The following VPS13B variants were observed in gnomAD, a reference collection of about 807,000 sequenced individuals.
VPS13B encodes intermembrane lipid transfer protein VPS13B.
Under a neutral mutation model 426.4 loss-of-function variants are expected in VPS13B, and 285 were observed. The ratio of observed to expected loss-of-function variants is 0.67; its 90% CI spans 0.61 to 0.74. The LOEUF (loss-of-function observed/expected upper bound fraction) is 0.74, where lower values mean the gene tolerates loss of function less well. Among genes scored for constraint, VPS13B ranks in the 30% least tolerant of loss-of-function variants. The pLI is 0.00. For synonymous variants in VPS13B, 1,676 were observed against 1,676.4 expected, an observed-to-expected ratio of 1.00 and a Z score of 0.01; for missense variants, 4,537 against 4,782.6, an observed-to-expected ratio of 0.95 and a Z score of 1.51.
At chr8:99,135,877 A>AT in intron 11 of VPS13B, 144 bp downstream of exon 11, 1 of 1,150,190 alleles carries the variant, frequency 8.7e-7, no homozygotes, top group Non-Finnish European at 1.2e-6. Context: ...GCATTTATAC[A>AT]GTATACATGT....
At chr8:99,241,498 G>A (rs1412339423) in intron 17 of VPS13B, 1 of 152,112 alleles carries the variant, frequency 6.6e-6, no homozygotes, top group Non-Finnish European at 1.5e-5. Context: ...GCAGGCTTTG[G>A]CTATTCTATT....
chr8:99,306,727 T>C (rs939193017), intron 19 of VPS13B, among the ~76,000 whole-genome samples: 1 of 152,120 alleles, frequency 6.6e-6, no homozygotes, highest in Non-Finnish European at 1.5e-5. Context: ...GTTTGTCTTA[T>C]TGTTTTATTG....
intron 30 of VPS13B, among the ~76,000 whole-genome samples, chr8:99,544,229 C>A (rs189029586): frequency 6.6e-6 from 1 of 151,994 alleles, no homozygotes; most frequent in East Asian, 1.9e-4. Context: ...AACCAAACAC[C>A]GCATGTTCTC....
chr8:99,236,806 A>G (rs1816676923), intron 17 of VPS13B, among the ~76,000 whole-genome samples: 1 of 152,220 alleles, frequency 6.6e-6, no homozygotes, highest in Non-Finnish European at 1.5e-5. Context: ...CGTGATGTGT[A>G]TAGTGTTCTA....
chr8:99,622,857 A>C (rs1828426611), intron 33 of VPS13B, among the ~76,000 whole-genome samples: 1 of 152,186 alleles, frequency 6.6e-6, no homozygotes, highest in African/African-American at 2.4e-5. Flanking sequence ...TAACTTCAAA[A>C]TATATCCAGA....
intron 3 of VPS13B, among the ~76,000 whole-genome samples, chr8:99,049,163 G>C (rs977858338): frequency 6.6e-6 from 1 of 150,886 alleles, no homozygotes; most frequent in African/African-American, 2.4e-5. Flanking sequence ...TTCAACATTA[G>C]TATTGAGATG....
intron 17 of VPS13B, among the ~76,000 whole-genome samples, chr8:99,220,790 T>TA (rs1183464071): frequency 1.4e-5 from 2 of 146,350 alleles, no homozygotes; most frequent in Non-Finnish European, 3.0e-5. Context: ...CTTTTTTTTT[T>TA]TTTTTTTTTT....
chr8:99,403,042 G>A (rs1303623514), intron 21 of VPS13B, among the ~76,000 whole-genome samples: 5 of 152,212 alleles, frequency 3.3e-5, no homozygotes, highest in African/African-American at 1.2e-4. Flanking sequence ...TTGAAAACCA[G>A]TTGTGGCAGA....
At chr8:99,234,270 C>G (rs978426016) in intron 17 of VPS13B, 10 of 767,370 alleles carry the variant, frequency 1.3e-5, no homozygotes, top group Non-Finnish European at 2.4e-5. Flanking sequence ...GTGACATTGA[C>G]AACAGCAGTT....
chr8:99,791,739 A>C (rs2130728312), intron 43 of VPS13B, among the ~76,000 whole-genome samples: 1 of 151,764 alleles, frequency 6.6e-6, no homozygotes, highest in East Asian at 1.9e-4. Flanking sequence ...AAAAAAAAAA[A>C]AAAACTACCT....
chr8:99,324,974 C>T (rs1031992205), intron 19 of VPS13B, among the ~76,000 whole-genome samples: 3 of 152,060 alleles, frequency 2.0e-5, no homozygotes, highest in African/African-American at 7.2e-5. Context: ...AATCTGAAAA[C>T]ACTTTTCTTA....
intron 36 of VPS13B, 53 bp downstream of exon 36, chr8:99,699,985 A>G: frequency 6.3e-7 from 1 of 1,584,536 alleles, no homozygotes; most frequent in Non-Finnish European, 8.6e-7. Flanking sequence ...ATGATTTGTT[A>G]ACATCTGAAA....
chr8:99,534,301 A>G (rs1444752771), intron 30 of VPS13B, among the ~76,000 whole-genome samples: 5 of 152,192 alleles, frequency 3.3e-5, no homozygotes, highest in Admixed American at 1.3e-4. Flanking sequence ...AAGCTACCTC[A>G]ACAACAGTGT....
chr8:99,295,860 C>T (rs572912269), intron 19 of VPS13B, among the ~76,000 whole-genome samples: 25 of 152,070 alleles, frequency 1.6e-4, no homozygotes, highest in Non-Finnish European at 3.1e-4. Flanking sequence ...GACTCTGTCT[C>T]TACAAAGAAT....
Position 99,423,353 on chromosome 8 carries a change from C to T in VPS13B, c.3083-8184C>T, listed in dbSNP as rs375617278. Among the ~76,000 whole-genome samples the T allele has an allele frequency of 2.0e-5, 3 of 151,710 alleles. No homozygotes were observed. In the East Asian group the frequency reaches 5.8e-4, roughly 29 times the overall value. ...CTCACTGCAGCCTTGACCTCCTGAG[C>T]TTAAGCAATTCTCCTGCCTCAGCTA... On this transcript the variant is annotated intron_variant, in intron 21 of 61. Coordinates refer to ENST00000357162, the MANE Select transcript of VPS13B (RefSeq NM_152564.5).
chr8:99,872,396 C>T (rs1042042775), intron 61 of VPS13B, among the ~76,000 whole-genome samples: 21 of 152,176 alleles, frequency 1.4e-4, no homozygotes, highest in African/African-American at 5.1e-4. Context: ...CAGAATCCCC[C>T]CTGGGGATGA....
chr8:99,718,643 C>T (rs2130326876), intron 37 of VPS13B, among the ~76,000 whole-genome samples: 1 of 151,272 alleles, frequency 6.6e-6, no homozygotes, highest in East Asian at 1.9e-4. Flanking sequence ...ATAATGGAGA[C>T]ATTAAATGTG....
chr8:99,741,615 A>G (rs1809728214), intron 39 of VPS13B, among the ~76,000 whole-genome samples: 1 of 152,240 alleles, frequency 6.6e-6, no homozygotes, highest in African/African-American at 2.4e-5. Context: ...AGAAATTATA[A>G]CAAACTGTCT....
chr8:99,586,874 A>C (rs138530403), intron 33 of VPS13B, among the ~76,000 whole-genome samples: 12 of 152,280 alleles, frequency 7.9e-5, no homozygotes, highest in African/African-American at 2.9e-4. Context: ...CATGTGCACA[A>C]CATGCAGGTT....
Sources: allele counts gnomAD v4.1 joint callset (sites outside exome capture counted in the v4.1 genomes callset), GRCh38; gene constraint gnomAD v4.1.1; transcripts MANE v1.5; gene names NCBI Gene and HGNC (gene_info 2026-07-23, HGNC 2026-07-21).